Variants in SYCP1 observed in about 807,000 individuals in gnomAD.
SYCP1 encodes the protein cancer/testis antigen 8.
A neutral mutation model predicts 153.1 loss-of-function variants in SYCP1; 64 were observed. The observed-to-expected ratio is 0.42, with a 90% confidence interval of 0.34 to 0.51. SYCP1 has a LOEUF of 0.51. SYCP1 is among the 20% of genes least tolerant of loss of function. The pLI, the probability that SYCP1 is intolerant of heterozygous loss-of-function variation, is 0.06. For missense variants in SYCP1, 997 were observed against 1,049.0 expected, an observed-to-expected ratio of 0.95 and a Z score of 0.68; for synonymous variants, 384 against 341.8, an observed-to-expected ratio of 1.12 and a Z score of -1.36.
intron 16 of SYCP1, among the ~76,000 whole-genome samples, chr1:114,906,025 G>T (rs1023106140): frequency 6.6e-6 from 1 of 151,846 alleles, no homozygotes. Context: ...GAGTGCAATG[G>T]CATGATCTAG....
chr1:114,866,483 G>C (rs1263186966), intron 8 of SYCP1, among the ~76,000 whole-genome samples: 1 of 152,006 alleles, frequency 6.6e-6, no homozygotes, highest in African/African-American at 2.4e-5. Context: ...TGTCTCCTTT[G>C]GTAAGGTGTC....
At chr1:114,900,832 A>G (rs1021878528) in intron 16 of SYCP1, among the ~76,000 whole-genome samples, 19 of 152,350 alleles carry the variant, frequency 1.2e-4, no homozygotes, top group African/African-American at 4.6e-4. Flanking sequence ...TCAAAAACCA[A>G]AAAGCAGTTT....
chr1:114,952,547 A>T (rs1041871025), intron 27 of SYCP1, among the ~76,000 whole-genome samples: 5 of 152,154 alleles, frequency 3.3e-5, no homozygotes, highest in Admixed American at 1.3e-4. Flanking sequence ...TGGAAGGGGA[A>T]GCAAACATGT....
chr1:114,926,177 G>T, intron 21 of SYCP1, 101 bp from the exon 22 acceptor site: 1 of 853,196 alleles, frequency 1.2e-6, no homozygotes, highest in Non-Finnish European at 1.6e-6. Flanking sequence ...ATTTTGAAGT[G>T]ACCTTTATCA....
chr1:114,889,116 T>G (rs991794176), intron 15 of SYCP1, among the ~76,000 whole-genome samples: 1 of 152,220 alleles, frequency 6.6e-6, no homozygotes, highest in Non-Finnish European at 1.5e-5. Context: ...TGATGGACAT[T>G]TGGGTTGGTT....
chr1:114,924,932 A>G (rs360587), intron 21 of SYCP1, among the ~76,000 whole-genome samples: 70,457 of 151,854 alleles, frequency 0.46, 17,427 homozygotes, highest in Non-Finnish European at 0.55. Context: ...TCAAGGATGA[A>G]ATAAGGTACC....
chr1:114,941,471 A>T (rs1427259655), intron 23 of SYCP1, among the ~76,000 whole-genome samples: 1 of 151,800 alleles, frequency 6.6e-6, no homozygotes, highest in Non-Finnish European at 1.5e-5. Flanking sequence ...GTTTTAAATG[A>T]CTCTTATAAA....
intron 23 of SYCP1, among the ~76,000 whole-genome samples, chr1:114,938,116 T>C (rs1428535738): frequency 6.6e-6 from 1 of 152,176 alleles, no homozygotes; most frequent in East Asian, 1.9e-4. Flanking sequence ...ATTGCAGCAC[T>C]ATTCACAATA....
chr1:114,902,460 C>G (rs1199428321), intron 16 of SYCP1, among the ~76,000 whole-genome samples: 1 of 142,514 alleles, frequency 7.0e-6, no homozygotes, highest in Non-Finnish European at 1.5e-5. Context: ...ACAAAAAGGG[C>G]CACAGGGACT....
intron 30 of SYCP1, among the ~76,000 whole-genome samples, chr1:114,992,582 G>A (rs1673999049): frequency 6.6e-6 from 1 of 151,630 alleles, no homozygotes; most frequent in South Asian, 2.1e-4. Flanking sequence ...TGGGAAAACT[G>A]TCCACATGTC....
intron 20 of SYCP1, among the ~76,000 whole-genome samples, chr1:114,921,931 T>A (rs967938298): frequency 1.3e-5 from 2 of 152,134 alleles, no homozygotes; most frequent in African/African-American, 4.8e-5. Flanking sequence ...AGGGTAAAAG[T>A]TTTTTCCTTC....
intron 16 of SYCP1, among the ~76,000 whole-genome samples, chr1:114,899,829 C>A (rs749366798): frequency 6.6e-6 from 1 of 152,198 alleles, no homozygotes; most frequent in Admixed American, 6.5e-5. Flanking sequence ...ATCCTGTTTA[C>A]CTCTTTTCTG....
intron 5 of SYCP1, among the ~76,000 whole-genome samples, chr1:114,858,248 G>A (rs1664146975): frequency 6.6e-6 from 1 of 152,036 alleles, no homozygotes; most frequent in African/African-American, 2.4e-5. Context: ...TTTCTTATAG[G>A]ATGATTTATT....
intron 23 of SYCP1, among the ~76,000 whole-genome samples, chr1:114,928,663 G>A (rs547954546): frequency 6.6e-6 from 1 of 152,314 alleles, no homozygotes; most frequent in East Asian, 1.9e-4. Context: ...CTATTATAGA[G>A]TTTATAATCT....
At chr1:114,977,775 T>A (rs1672898064) in intron 28 of SYCP1, 159 bp downstream of exon 28, 1 of 484,058 alleles carries the variant, frequency 2.1e-6, no homozygotes, top group Non-Finnish European at 3.4e-6. Flanking sequence ...TTCAAAAGCA[T>A]TTTAGCTAAA....
At chr1:114,932,936 G>A (rs1040508495) in intron 23 of SYCP1, among the ~76,000 whole-genome samples, 14 of 152,334 alleles carry the variant, frequency 9.2e-5, no homozygotes, top group African/African-American at 3.4e-4. Context: ...GCTCAAGGAG[G>A]CCTGCCTGCC....
rs780561209 is a variant in SYCP1, at chr1:114,878,119, C to A, written c.827C>A (p.Thr276Asn). The part of the protein sequence containing the change: ...KQVSLLLIQI[T>N]EKENKMKDLT... ...GTATCACTACTATTGATCCAAATCA[C>A]TGAGAAAGAAAATAAAATGAAAGAT... The change falls in exon 12 of 32, where the codon ACT becomes AAT. Residue 276 changes from threonine (T) to asparagine (N), a missense_variant. Transcript: ENST00000369522. 1.7e-5 allele frequency: 27 copies of A among 1,581,080 alleles called. No individual in the cohort carries two copies. Among genetic ancestry groups the A allele is most frequent in the Middle Eastern group, 1.7e-4 (1 of 5,942 alleles).
intron 30 of SYCP1, among the ~76,000 whole-genome samples, chr1:114,986,131 A>G (rs904411172): frequency 3.9e-5 from 6 of 151,972 alleles, no homozygotes; most frequent in African/African-American, 1.4e-4. Context: ...TCCTGGATCC[A>G]ATCCCCCATG....
chr1:114,895,112 T>C (rs182051422), intron 15 of SYCP1, among the ~76,000 whole-genome samples: 1 of 152,204 alleles, frequency 6.6e-6, no homozygotes, highest in Admixed American at 6.5e-5. Context: ...GAGTGAAGAT[T>C]AAAATGTCAG....
Sources: gnomAD v4.1 joint callset for allele counts (sites outside exome capture counted in the v4.1 genomes callset) on GRCh38, gnomAD v4.1.1 for gene constraint, MANE v1.5 for transcripts, NCBI Gene and HGNC (gene_info 2026-07-23, HGNC 2026-07-21) for gene names.